The following SPAG16 variants were observed in gnomAD, a reference collection of about 807,000 sequenced individuals.
SPAG16 encodes sperm associated antigen 16.
In SPAG16, 86 loss-of-function variants were observed where a neutral mutation model predicts 80.4. That is an observed-to-expected ratio of 1.07 (90% CI 0.90 to 1.28). The LOEUF (loss-of-function observed/expected upper bound fraction) is 1.28. SPAG16 is among the 50% of genes most tolerant of loss of function. The pLI is 0.00. For missense variants in SPAG16, 870 were observed against 765.3 expected (o/e 1.14, Z -1.61); for synonymous variants, 294 against 265.9 (o/e 1.11, Z -1.03).
chr2:214,320,774 C>G (rs1318213539), intron 15 of SPAG16, among the ~76,000 whole-genome samples: 3 of 152,122 alleles, frequency 2.0e-5, no homozygotes, highest in African/African-American at 7.2e-5. Flanking sequence ...CTGGTCTCTC[C>G]CTTGACACAT....
chr2:213,647,315 G>A (rs1488957276), intron 10 of SPAG16, among the ~76,000 whole-genome samples: 1 of 152,106 alleles, frequency 6.6e-6, no homozygotes, highest in Non-Finnish European at 1.5e-5. Context: ...ATACACCAGG[G>A]TTGGAACCAA....
At chr2:214,204,263 G>T (rs1256233484) in intron 15 of SPAG16, among the ~76,000 whole-genome samples, 1 of 152,174 alleles carries the variant, frequency 6.6e-6, no homozygotes, top group Non-Finnish European at 1.5e-5. Flanking sequence ...CAAAGTCAAA[G>T]GACATAATCT....
intron 12 of SPAG16, among the ~76,000 whole-genome samples, chr2:213,944,893 C>A (rs1320717925): frequency 6.6e-6 from 1 of 151,924 alleles, no homozygotes; most frequent in Non-Finnish European, 1.5e-5. Context: ...AATAAATTAG[C>A]CGGGCGTGGG....
chr2:213,872,329 C>A (rs2075985950), intron 11 of SPAG16, among the ~76,000 whole-genome samples: 1 of 110,804 alleles, frequency 9.0e-6, no homozygotes, highest in Non-Finnish European at 2.1e-5. Context: ...AAGAGAGTAA[C>A]TTCATGTTAT....
At chr2:213,731,527 G>A (rs780188099) in intron 10 of SPAG16, among the ~76,000 whole-genome samples, 2 of 147,284 alleles carry the variant, frequency 1.4e-5, no homozygotes, top group African/African-American at 5.1e-5. Context: ...GTGCAGATTT[G>A]TTACATAGGT....
chr2:214,249,772 A>G (rs2125845451), intron 15 of SPAG16, among the ~76,000 whole-genome samples: 1 of 152,300 alleles, frequency 6.6e-6, no homozygotes, highest in South Asian at 2.1e-4. Context: ...TTTTAAAATT[A>G]TAAATATTGC....
intron 15 of SPAG16, among the ~76,000 whole-genome samples, chr2:214,167,953 C>G (rs1015694574): frequency 6.8e-6 from 1 of 146,652 alleles, no homozygotes; most frequent in African/African-American, 2.5e-5. Context: ...TTTTTCTTTT[C>G]TTTTTCTTTT....
At chr2:213,585,463 G>A (rs1338174835) in intron 10 of SPAG16, among the ~76,000 whole-genome samples, 2 of 151,894 alleles carry the variant, frequency 1.3e-5, no homozygotes, top group African/African-American at 4.8e-5. Flanking sequence ...TCTTAGTAGA[G>A]ATGGGGTTTC....
intron 10 of SPAG16, among the ~76,000 whole-genome samples, chr2:213,573,319 A>G (rs1041426641): frequency 5.9e-5 from 9 of 152,366 alleles, no homozygotes; most frequent in East Asian, 3.9e-4. Context: ...ATCCTTGATT[A>G]ATTCTAATTA....
chr2:213,906,058 A>G lies in SPAG16; in HGVS notation c.1215-23902A>G, dbSNP rs919719346. 3.9e-5 allele frequency among the ~76,000 whole-genome samples: 6 copies of G among 152,266 alleles called. No homozygotes were observed. In the East Asian group the frequency reaches 1.2e-3, roughly 29 times the overall value. ...GCTAAATTCCAAATATCTTACCAGC[A>G]ACAGACAGGAAGGTCTTATGTGCTT... On this transcript the variant is annotated intron_variant, in intron 11 of 15. Transcript: ENST00000331683.
chr2:213,942,546 CT>C (rs1197571909), intron 12 of SPAG16, among the ~76,000 whole-genome samples: 2 of 152,152 alleles, frequency 1.3e-5, no homozygotes, highest in Admixed American at 1.3e-4. Context: ...TCTGTATTGA[CT>C]TACCTGGAGC....
chr2:213,376,876 G>A (rs1165848242), intron 9 of SPAG16, among the ~76,000 whole-genome samples: 1 of 152,146 alleles, frequency 6.6e-6, no homozygotes, highest in Non-Finnish European at 1.5e-5. Context: ...TGTAGAGGAG[G>A]AAGGAGAATA....
intron 10 of SPAG16, among the ~76,000 whole-genome samples, chr2:213,854,691 G>A (rs2075069426): frequency 6.6e-6 from 1 of 152,338 alleles, no homozygotes; most frequent in East Asian, 1.9e-4. Flanking sequence ...TTCTTCAGGT[G>A]AGGTACCTGA....
intron 13 of SPAG16, among the ~76,000 whole-genome samples, chr2:214,058,516 T>C (rs144505645): frequency 1.3e-5 from 2 of 152,124 alleles, no homozygotes; most frequent in African/African-American, 4.8e-5. Context: ...ATAACAGATA[T>C]AATAATAATG....
At chr2:213,653,271 A>T (rs1206896220) in intron 10 of SPAG16, among the ~76,000 whole-genome samples, 1 of 152,180 alleles carries the variant, frequency 6.6e-6, no homozygotes, top group African/African-American at 2.4e-5. Flanking sequence ...ATTCTTCCTT[A>T]TCCTAATAGT....
At chr2:213,663,099 C>A (rs184148242) in intron 10 of SPAG16, among the ~76,000 whole-genome samples, 1 of 151,916 alleles carries the variant, frequency 6.6e-6, no homozygotes, top group East Asian at 1.9e-4. Context: ...AATATATTTG[C>A]CCAAAAAATT....
At chr2:213,780,553 A>G (rs1348570308) in intron 10 of SPAG16, among the ~76,000 whole-genome samples, 2 of 147,722 alleles carry the variant, frequency 1.4e-5, no homozygotes, top group Non-Finnish European at 3.0e-5. Context: ...AGCAGGTCCA[A>G]ACATTTTTCT....
intron 10 of SPAG16, among the ~76,000 whole-genome samples, chr2:213,717,555 CTT>C (rs890199600): frequency 5.4e-5 from 8 of 146,904 alleles, no homozygotes; most frequent in African/African-American, 2.0e-4. Flanking sequence ...GACTTAAACT[CTT>C]TTTTTTTTTA....
At chr2:214,013,643 C>T (rs1041699187) in intron 12 of SPAG16, among the ~76,000 whole-genome samples, 3 of 151,932 alleles carry the variant, frequency 2.0e-5, no homozygotes, top group African/African-American at 7.3e-5. Context: ...AAACATATTC[C>T]TCTATTATGT....
Sources: gnomAD v4.1 joint callset for allele counts (sites outside exome capture counted in the v4.1 genomes callset) on GRCh38, gnomAD v4.1.1 for gene constraint, MANE v1.5 for transcripts, NCBI Gene and HGNC (gene_info 2026-07-23, HGNC 2026-07-21) for gene names.